SNX19: variants seen among roughly 807,000 people sequenced by gnomAD.
SNX19 encodes sorting nexin-19.
In SNX19, 60 loss-of-function variants were observed where a neutral mutation model predicts 85.2. That is an observed-to-expected ratio of 0.70 (90% CI 0.57 to 0.87). The LOEUF (loss-of-function observed/expected upper bound fraction) is 0.87, where lower values mean the gene tolerates loss of function less well. Ranked by LOEUF, SNX19 falls within the 40% of genes least tolerant of loss-of-function variation. The probability of loss-of-function intolerance (pLI) is 0.00; values close to 1 mark genes in which losing one functional copy is unlikely to be tolerated. For synonymous variants in SNX19, 520 were observed against 470.0 expected (o/e 1.11, Z -1.38); for missense variants, 1,201 against 1,217.8 (o/e 0.99, Z 0.21).
chr11:130,894,332 C>T (rs1178263959), intron 8 of SNX19, among the ~76,000 whole-genome samples: 1 of 152,208 alleles, frequency 6.6e-6, no homozygotes, highest in Non-Finnish European at 1.5e-5. Flanking sequence ...AAAGGGGCAA[C>T]TTCTGGTCAT....
rs561371095 is a variant in SNX19 at position 130,873,436 on chromosome 11, T to G, written c.*4986A>C. ...GTGAGAACCTGATCTTGTTCTGCTTTGTAAGGTAGAAGGGCAGTTTAGTAT... is the reference window on the plus strand; with the variant it reads ...GTGAGAACCTGATCTTGTTCTGCTTGGTAAGGTAGAAGGGCAGTTTAGTAT... On this transcript the variant is annotated 3_prime_UTR_variant, in exon 11 of 11. Transcript: ENST00000265909. Among the ~76,000 whole-genome samples the G allele has an allele frequency of 2.0e-5, 3 of 152,306 alleles. No homozygotes were observed. The East Asian group carries it at 5.8e-4, about 30-fold the overall frequency.
At chr11:130,905,693 C>T in intron 7 of SNX19, 2 of 1,525,086 alleles carry the variant, frequency 1.3e-6, no homozygotes, top group Non-Finnish European at 1.8e-6. Flanking sequence ...AATGAGTTAT[C>T]AATATTATCA....
At position 130,908,017 on chromosome 11, in the gene SNX19, T is replaced by C. The variant is rs775953316; in HGVS notation, c.2101A>G (p.Thr701Ala). 1.2e-6 allele frequency: 2 copies of C among 1,614,116 alleles called. No individual in the cohort carries two copies. Among genetic ancestry groups the C allele is most frequent in the Admixed American group, 1.7e-5 (1 of 60,014 alleles). Residue 701 changes from threonine to alanine, a missense_variant, in exon 5 of 11, where the codon ACA (threonine) becomes GCA (alanine). Physicochemically the swap from Thr to Ala is moderately conservative, Grantham distance 58. Transcript: ENST00000265909. ...GTCTCGGCCTCACTCAGCTCCTCTG[T>C]GGGGCTCTGGGGTTCAGAGCGAGGA... The part of the protein sequence containing the change: ...AFPRSEPQSP[T>A]EELSEAETES...
chr11:130,905,679 G>C, intron 7 of SNX19: 1 of 1,516,220 alleles, frequency 6.6e-7, no homozygotes, highest in African/African-American at 1.4e-5. Flanking sequence ...CCAAAAATAA[G>C]TTTAATGAGT....
chr11:130,906,353 AT>A (rs1029634990), intron 6 of SNX19, among the ~76,000 whole-genome samples: 1 of 151,146 alleles, frequency 6.6e-6, no homozygotes, highest in Non-Finnish European at 1.5e-5. Flanking sequence ...TTGGTCATCC[AT>A]TTTTTTTTCC....
At chr11:130,902,171 A>AT (rs1435953247) in intron 8 of SNX19, among the ~76,000 whole-genome samples, 1 of 152,218 alleles carries the variant, frequency 6.6e-6, no homozygotes, top group Non-Finnish European at 1.5e-5. Flanking sequence ...GCCAAGCTCT[A>AT]TTTTCTCATT....
chr11:130,911,737 C>T lies in SNX19; in HGVS notation c.1709G>A (p.Gly570Asp). 1 of 1,614,194 alleles carries T rather than the reference C, an allele frequency of 6.2e-7. No individual in the cohort carries two copies. Among genetic ancestry groups the T allele is most frequent in the Non-Finnish European group, 8.5e-7 (1 of 1,180,030 alleles). Reference protein sequence around the residue: ...ETALDGENSSGLQQLAYHTVN... With the variant: ...ETALDGENSSDLQQLAYHTVN... ...AGTGTGGTAGGCCAGCTGCTGCAGG[C>T]CGCTGCTGTTTTCACCGTCAAGGGC... Residue 570 changes from glycine (G) to aspartate (D), a missense_variant, in exon 2 of 11, where the codon GGC becomes GAC. Coordinates refer to ENST00000265909, the MANE Select transcript of SNX19 (RefSeq NM_014758.3).
intron 8 of SNX19, among the ~76,000 whole-genome samples, chr11:130,881,942 T>C (rs1013541257): frequency 6.6e-6 from 1 of 152,250 alleles, no homozygotes; most frequent in African/African-American, 2.4e-5. Context: ...CCGTGCTTGG[T>C]GCTCAAGAAA....
At chr11:130,884,328 C>T (rs1345230365) in intron 8 of SNX19, among the ~76,000 whole-genome samples, 2 of 152,062 alleles carry the variant, frequency 1.3e-5, no homozygotes, top group South Asian at 2.1e-4. Context: ...CTTCATCTCG[C>T]GATTTCTACA....
chr11:130,895,975 T>C (rs1335430453), intron 8 of SNX19, among the ~76,000 whole-genome samples: 1 of 152,242 alleles, frequency 6.6e-6, no homozygotes, highest in Non-Finnish European at 1.5e-5. Flanking sequence ...CATGGCCTAA[T>C]GGAAGAGGCC....
chr11:130,866,550 G>A lies in SNX19; in HGVS notation c.*11872C>T, dbSNP rs573487069. ...GCAGATTAGAAGACCCTCTTCCCCA[G>A]GAGAGTGGGAGCGTCTGCCTTCGGG... On this transcript the variant is annotated 3_prime_UTR_variant, in exon 11 of 11. Transcript: ENST00000265909. The A allele has an allele frequency of 2.0e-5, 3 of 152,302 alleles. No homozygotes were observed. The highest frequency in any genetic ancestry group is 1.3e-4 in the Admixed American group (2 of 15,302). 9.4% of individuals were successfully genotyped at this position (152,302 alleles called of 1,614,324 possible). A position where few individuals can be genotyped will look rare whatever the true frequency, so the allele number is the denominator to read the frequency against.
intron 8 of SNX19, among the ~76,000 whole-genome samples, chr11:130,888,118 G>C (rs1490848339): frequency 1.3e-5 from 2 of 151,112 alleles, no homozygotes; most frequent in African/African-American, 2.4e-5. Context: ...AAAAAATCGT[G>C]TGCCCCTCTG....
At chr11:130,892,510 T>A (rs1944566683) in intron 8 of SNX19, among the ~76,000 whole-genome samples, 1 of 152,188 alleles carries the variant, frequency 6.6e-6, no homozygotes, top group Non-Finnish European at 1.5e-5. Context: ...TCTGTAAAAA[T>A]TCAACCAGGT....
In SNX19 at chr11:130,905,884, C is replaced by T. The variant is rs753639145; in HGVS notation, c.2443+69G>A. On this transcript the variant is annotated intron_variant, in intron 7 of 10. Coordinates refer to ENST00000265909, the MANE Select transcript of SNX19 (RefSeq NM_014758.3). ...CAGAAATCAAAGTTACAAACTCCAA[C>T]TACCCCAAGTACCAAGTGGATGCCA... The T allele has an allele frequency of 4.3e-6, 7 of 1,612,618 alleles. No individual in the cohort carries two copies. In the East Asian group the frequency reaches 1.1e-4, roughly 26 times the overall value.
rs532532320 is a variant in SNX19 at position 130,899,696 on chromosome 11, G to T, written c.2573+3559C>A. On this transcript the variant is annotated intron_variant, in intron 8 of 10. Transcript: ENST00000265909. Reference sequence around the variant, plus strand: ...TGACAGGAAGGGATATGAGGTAACTGAACATGTATAAAACATCTTCACCTG... The same window carrying T: ...TGACAGGAAGGGATATGAGGTAACTTAACATGTATAAAACATCTTCACCTG... Among the ~76,000 whole-genome samples, 10 of 152,268 alleles carry T rather than the reference G, an allele frequency of 6.6e-5. No individual in the cohort carries two copies. The South Asian group carries it at 2.1e-3, about 32-fold the overall frequency.
chr11:130,874,075 T>C lies in SNX19; in HGVS notation c.*4347A>G, dbSNP rs1416564968. Among the ~76,000 whole-genome samples, 1 of 152,064 alleles carries C rather than the reference T, an allele frequency of 6.6e-6. No homozygotes were observed. Among genetic ancestry groups the C allele is most frequent in the Non-Finnish European group, 1.5e-5 (1 of 68,006 alleles). ...CTCACTCTGTCACTTAAGGCTAGAA[T>C]GCAGTGGTGTGATCGTAGCTCACTG... On this transcript the variant is annotated 3_prime_UTR_variant, in exon 11 of 11. Coordinates refer to ENST00000265909, the MANE Select transcript of SNX19 (RefSeq NM_014758.3).
At chr11:130,887,165 A>G (rs575492702) in intron 8 of SNX19, among the ~76,000 whole-genome samples, 1 of 152,358 alleles carries the variant, frequency 6.6e-6, no homozygotes, top group South Asian at 2.1e-4. Context: ...TCTGAGTTCC[A>G]TACATTTATA....
At chr11:130,890,617 CTTT>C (rs1248949162) in intron 8 of SNX19, among the ~76,000 whole-genome samples, 1 of 152,136 alleles carries the variant, frequency 6.6e-6, no homozygotes, top group Non-Finnish European at 1.5e-5. Context: ...ATACTAACTT[CTTT>C]GAGTACCACA....
intron 8 of SNX19, among the ~76,000 whole-genome samples, chr11:130,902,109 T>C (rs950461555): frequency 1.3e-5 from 2 of 152,220 alleles, no homozygotes; most frequent in African/African-American, 4.8e-5. Flanking sequence ...AAATCTGGTT[T>C]AAAATTCTAA....
Sources: gnomAD v4.1 joint callset for allele counts (sites outside exome capture counted in the v4.1 genomes callset) on GRCh38, gnomAD v4.1.1 for gene constraint, MANE v1.5 for transcripts, NCBI Gene and HGNC (gene_info 2026-07-23, HGNC 2026-07-21) for gene names.